The following UGGT2 variants were observed in gnomAD, a reference collection of about 807,000 sequenced individuals.
UGGT2 encodes the protein UDP-glucose glycoprotein glucosyltransferase 2, also known as UDP-glucose:glycoprotein glucosyltransferase 2.
UGGT2 carries 180 observed loss-of-function variants against 192.1 expected under a neutral mutation model. The ratio of observed to expected loss-of-function variants is 0.94; its 90% confidence interval spans 0.83 to 1.06. UGGT2 has a LOEUF of 1.06. UGGT2 is among the 50% of genes least tolerant of loss of function. The probability of loss-of-function intolerance (pLI) is 0.00; values close to 1 mark genes in which losing one functional copy is unlikely to be tolerated. For synonymous variants in UGGT2, 580 were observed against 591.0 expected, an observed-to-expected ratio of 0.98 and a Z score of 0.27; for missense variants, 1,849 against 1,795.7, an observed-to-expected ratio of 1.03 and a Z score of -0.54.
At chr13:95,859,900 A>C (rs1280217094) in intron 32 of UGGT2, 2 of 361,366 alleles carry the variant, frequency 5.5e-6, no homozygotes, top group Non-Finnish European at 1.0e-5. Context: ...AATGTGAAGA[A>C]ATAAACTAAA....
At chr13:95,832,895 G>A (rs1448688364) in intron 38 of UGGT2, 32 bp downstream of exon 38, 3 of 1,608,038 alleles carry the variant, frequency 1.9e-6, no homozygotes, top group African/African-American at 1.3e-5. Context: ...TGCAACGCAT[G>A]TTTCAGACAT....
At chr13:95,914,311 G>A (rs890415289) in intron 20 of UGGT2, among the ~76,000 whole-genome samples, 13 of 151,638 alleles carry the variant, frequency 8.6e-5, no homozygotes, top group African/African-American at 2.9e-4. Flanking sequence ...TACAACTACT[G>A]TAAAGTTTCT....
chr13:95,936,304 G>A (rs1379696624), intron 17 of UGGT2, among the ~76,000 whole-genome samples: 1 of 152,090 alleles, frequency 6.6e-6, no homozygotes, highest in Admixed American at 6.6e-5. Flanking sequence ...TTTTACTTTG[G>A]GCTGTGTGGT....
chr13:95,950,251 T>C (rs1291689712), intron 12 of UGGT2, among the ~76,000 whole-genome samples: 3 of 152,126 alleles, frequency 2.0e-5, no homozygotes, highest in Admixed American at 6.5e-5. Flanking sequence ...GTAACACCTC[T>C]ACAAAAGCCA....
intron 3 of UGGT2, 135 bp downstream of exon 3, chr13:96,023,494 T>C: frequency 1.2e-6 from 1 of 814,164 alleles, no homozygotes; most frequent in Non-Finnish European, 1.7e-6. Flanking sequence ...ACAATAATAA[T>C]ATAATCAATG....
chr13:95,963,761 T>C (rs907231011), intron 12 of UGGT2, among the ~76,000 whole-genome samples: 1 of 151,788 alleles, frequency 6.6e-6, no homozygotes, highest in African/African-American at 2.4e-5. Flanking sequence ...AAAAAAGAAA[T>C]CAAAAGGGTA....
At chr13:96,028,490 C>A (rs974666340) in intron 2 of UGGT2, among the ~76,000 whole-genome samples, 113 of 152,170 alleles carry the variant, frequency 7.4e-4, no homozygotes, top group Admixed American at 1.7e-3. Flanking sequence ...GGTGACATTT[C>A]TCACCTCACA....
In UGGT2 at chr13:95,887,877, T is replaced by C. The variant is rs1179017246; in HGVS notation, c.3038+15A>G. On this transcript the variant is annotated intron_variant, in intron 26 of 38. Coordinates refer to ENST00000376747, the MANE Select transcript of UGGT2 (RefSeq NM_020121.4). ...ACAAATTTTTCAAAATGAAATTTTG[T>C]TCACTCAGATTTACCTTTCTAAAGG... 1 of 1,502,934 alleles carries C rather than the reference T, an allele frequency of 6.7e-7. No homozygotes were observed. The highest frequency in any genetic ancestry group is 2.3e-5 in the East Asian group (1 of 43,968). 93.1% of individuals were successfully genotyped at this position (1,502,934 alleles called of 1,614,324 possible).
chr13:96,008,366 G>A (rs538247231), intron 5 of UGGT2, among the ~76,000 whole-genome samples: 2 of 152,214 alleles, frequency 1.3e-5, no homozygotes, highest in East Asian at 1.9e-4. Context: ...ACATAGTCCT[G>A]AAAGTCCTGG....
intron 26 of UGGT2, 140 bp downstream of exon 26, chr13:95,887,752 T>G (rs2047685166): frequency 3.4e-6 from 2 of 586,468 alleles, no homozygotes; most frequent in Non-Finnish European, 6.1e-6. Context: ...TTAAGGTTAG[T>G]AAATAGTCTG....
At chr13:95,896,608 A>G (rs186810775) in intron 22 of UGGT2, among the ~76,000 whole-genome samples, 1 of 152,200 alleles carries the variant, frequency 6.6e-6, no homozygotes, top group East Asian at 1.9e-4. Flanking sequence ...GTATTGTTTT[A>G]AGGGGTTAAC....
intron 12 of UGGT2, among the ~76,000 whole-genome samples, chr13:95,965,640 CTAAATG>C (rs567402386): frequency 0.026 from 3,858 of 150,622 alleles, 66 homozygotes; most frequent in Non-Finnish European, 0.033. Flanking sequence ...ATACCTAATG[CTAAATG>C]ACGAGTTAAT....
chr13:95,847,335 A>C (rs1888574126), intron 36 of UGGT2, among the ~76,000 whole-genome samples: 1 of 152,158 alleles, frequency 6.6e-6, no homozygotes, highest in Admixed American at 6.5e-5. Context: ...TACAGTTTAC[A>C]TTAGACTTCT....
At chr13:95,876,633 C>T (rs1213100193) in intron 29 of UGGT2, among the ~76,000 whole-genome samples, 3 of 152,152 alleles carry the variant, frequency 2.0e-5, no homozygotes, top group African/African-American at 4.8e-5. Context: ...TCCAGCTGTG[C>T]TGTATCAGGT....
At chr13:95,867,058 T>A (rs1435880328) in intron 30 of UGGT2, among the ~76,000 whole-genome samples, 1 of 152,102 alleles carries the variant, frequency 6.6e-6, no homozygotes, top group Non-Finnish European at 1.5e-5. Flanking sequence ...CTTGATCTCA[T>A]CTCTAGAGTC....
chr13:95,927,466 CTT>C (rs1566709199), intron 17 of UGGT2, 130 bp from the exon 18 acceptor site: 2 of 590,692 alleles, frequency 3.4e-6, no homozygotes, highest in Non-Finnish European at 5.1e-6. Flanking sequence ...AATACATTTT[CTT>C]TCTTTTTTTT....
At chr13:96,026,854 G>A (rs1359979162) in intron 2 of UGGT2, among the ~76,000 whole-genome samples, 5 of 151,738 alleles carry the variant, frequency 3.3e-5, no homozygotes, top group South Asian at 2.1e-4. Context: ...TGTATTTTTA[G>A]TAGAGACGGG....
At position 95,814,008 on chromosome 13, in the gene UGGT2, C is replaced by G. The variant is rs183203677; in HGVS notation, c.4529-12196G>C. Among the ~76,000 whole-genome samples the G allele has an allele frequency of 3.3e-5, 5 of 152,332 alleles. No individual in the cohort carries two copies. In the East Asian group the frequency reaches 7.7e-4, roughly 23 times the overall value. The stretch of plus-strand genomic sequence containing the variant: ...GAGTGCAAGAGTGAATGAGGCTTGG[C>G]AGCCATCGTCTAGATTTCAGAGAAT... On this transcript the variant is annotated intron_variant, in intron 38 of 38. Transcript: ENST00000376747.
chr13:95,945,525 T>A (rs1043125873), intron 15 of UGGT2, among the ~76,000 whole-genome samples: 2 of 152,086 alleles, frequency 1.3e-5, no homozygotes, highest in African/African-American at 4.8e-5. Flanking sequence ...ACACTGTAGA[T>A]TAATGCCATC....
Sources: gnomAD v4.1 joint callset for allele counts (sites outside exome capture counted in the v4.1 genomes callset) on GRCh38, gnomAD v4.1.1 for gene constraint, MANE v1.5 for transcripts, NCBI Gene and HGNC (gene_info 2026-07-23, HGNC 2026-07-21) for gene names.